Variants in CPNE4 observed in about 807,000 individuals in gnomAD.
CPNE4 encodes copine 4.
CPNE4 carries 25 observed loss-of-function variants against 67.9 expected under a neutral mutation model. The ratio of observed to expected loss-of-function variants is 0.37; its 90% confidence interval spans 0.27 to 0.51. CPNE4 has a LOEUF of 0.51. CPNE4 is among the 20% of genes least tolerant of loss of function. CPNE4 has a pLI of 0.93. For missense variants in CPNE4, 464 were observed against 690.8 expected (o/e 0.67, Z 3.68); for synonymous variants, 242 against 244.9 (o/e 0.99, Z 0.11).
At chr3:131,776,792 A>C (rs1214566463) in intron 2 of CPNE4, among the ~76,000 whole-genome samples, 1 of 152,144 alleles carries the variant, frequency 6.6e-6, no homozygotes, top group African/African-American at 2.4e-5. Context: ...AAGAGCTGAT[A>C]GTTGATTAAG....
chr3:131,701,488 TTA>T (rs2107705877), intron 3 of CPNE4, among the ~76,000 whole-genome samples: 1 of 152,348 alleles, frequency 6.6e-6, no homozygotes, highest in Non-Finnish European at 1.5e-5. Context: ...TGACTGTGAC[TTA>T]TCTCTTATCA....
In CPNE4 at chr3:132,000,183, TA is replaced by T. The variant is rs1437220607; in HGVS notation, c.-2+34383del. The stretch of plus-strand genomic sequence containing the variant: ...GATAGATAAAAAGATAATGCTATCA[TA>T]AAAATGGGATTTAAGGAAGGAAGAC... On this transcript the variant is annotated intron_variant, in intron 1 of 15. Coordinates refer to ENST00000429747, the MANE Select transcript of CPNE4 (RefSeq NM_130808.3). Among the ~76,000 whole-genome samples the T allele has an allele frequency of 3.3e-5, 5 of 152,102 alleles. No homozygotes were observed. The East Asian group carries it at 9.7e-4, about 29-fold the overall frequency.
chr3:131,655,132 GT>G (rs1296459749), intron 7 of CPNE4, among the ~76,000 whole-genome samples: 36 of 152,204 alleles, frequency 2.4e-4, no homozygotes, highest in Admixed American at 2.4e-3. Flanking sequence ...TGTTGAAACT[GT>G]CTCTTGACTA....
At chr3:131,900,064 AG>A (rs1315083970) in intron 2 of CPNE4, among the ~76,000 whole-genome samples, 2 of 151,402 alleles carry the variant, frequency 1.3e-5, no homozygotes, top group African/African-American at 4.8e-5. Flanking sequence ...TGGAGTGGGG[AG>A]GGGGAAGAGA....
intron 2 of CPNE4, among the ~76,000 whole-genome samples, chr3:131,781,577 G>A (rs1010335542): frequency 4.6e-5 from 7 of 152,104 alleles, no homozygotes; most frequent in Non-Finnish European, 1.0e-4. Context: ...TTGCAGCTAA[G>A]ATATGTAGAC....
At chr3:131,540,635 A>G (rs1444957786) in intron 15 of CPNE4, among the ~76,000 whole-genome samples, 1 of 152,148 alleles carries the variant, frequency 6.6e-6, no homozygotes, top group Non-Finnish European at 1.5e-5. Context: ...GTGTGAACCC[A>G]AGTTGGGAGT....
rs1934991706 is a variant in CPNE4, at chr3:131,533,573, G to T, written c.*1622C>A. The T allele has an allele frequency of 6.6e-6, 1 of 152,172 alleles. No individual in the cohort carries two copies. Among genetic ancestry groups the T allele is most frequent in the South Asian group, 2.1e-4 (1 of 4,828 alleles). 9.4% of individuals were successfully genotyped at this position (152,172 alleles called of 1,614,324 possible). A position where few individuals can be genotyped will look rare whatever the true frequency, so the allele number is the denominator to read the frequency against. On this transcript the variant is annotated 3_prime_UTR_variant, in exon 16 of 16. Transcript: ENST00000429747. ...AGACCACAACTCTTAGAAGAATTCT[G>T]TAAGTACCCAATTTATTAATAAAAC...
At chr3:131,959,943 T>A (rs11717906) in intron 1 of CPNE4, among the ~76,000 whole-genome samples, 4 of 152,066 alleles carry the variant, frequency 2.6e-5, no homozygotes, top group African/African-American at 9.7e-5. Flanking sequence ...AAAACGCTAC[T>A]GCAAATTTAA....
chr3:131,561,356 T>TGCGC (rs35818053), intron 11 of CPNE4, among the ~76,000 whole-genome samples: 1 of 151,616 alleles, frequency 6.6e-6, no homozygotes, highest in African/African-American at 2.4e-5. Flanking sequence ...TGTGTGTGTG[T>TGCGC]GCGCACATAC....
intron 2 of CPNE4, among the ~76,000 whole-genome samples, chr3:131,842,903 A>G (rs945894062): frequency 4.6e-5 from 7 of 152,224 alleles, no homozygotes; most frequent in Non-Finnish European, 8.8e-5. Flanking sequence ...AACGATATAC[A>G]GCATTTACCC....
intron 1 of CPNE4, among the ~76,000 whole-genome samples, chr3:131,983,802 T>G (rs1420205041): frequency 6.6e-6 from 1 of 152,214 alleles, no homozygotes; most frequent in Non-Finnish European, 1.5e-5. Flanking sequence ...AAACAGGCAG[T>G]TGCAGCCACT....
chr3:131,954,416 ATAAATT>A (rs1366434555), intron 1 of CPNE4, among the ~76,000 whole-genome samples: 1 of 152,220 alleles, frequency 6.6e-6, no homozygotes, highest in Non-Finnish European at 1.5e-5. Context: ...ACTAATAAAT[ATAAATT>A]TATCTTAAAT....
intron 2 of CPNE4, among the ~76,000 whole-genome samples, chr3:131,792,719 GTATATATATACACGTGTGTATATATGTA>G (rs1560323335): frequency 1.4e-4 from 10 of 69,306 alleles, no homozygotes; most frequent in African/African-American, 1.8e-4. Flanking sequence ...GTGTATATAT[GTATATATATACACGTGTGTATATATGTA>G]TATATATACA....
intron 7 of CPNE4, among the ~76,000 whole-genome samples, chr3:131,634,686 G>T (rs185821065): frequency 6.6e-6 from 1 of 152,248 alleles, no homozygotes; most frequent in East Asian, 1.9e-4. Context: ...CTGGAAAGGA[G>T]ATGAGAGGAT....
chr3:132,017,124 AT>A (rs1443641858), intron 1 of CPNE4, among the ~76,000 whole-genome samples: 1 of 152,254 alleles, frequency 6.6e-6, no homozygotes, highest in African/African-American at 2.4e-5. Flanking sequence ...AGGAAAAGTA[AT>A]CAAAATTCCA....
chr3:131,555,468 GGAA>G lies in CPNE4; in HGVS notation c.1116+26_1116+28del, dbSNP rs745650287. The G allele has an allele frequency of 1.6e-5, 25 of 1,602,238 alleles. No homozygotes were observed. The Admixed American group carries it at 2.7e-4, about 17-fold the overall frequency. ...AGTTATCCTTTGACCACAGTGAAGT[GGAA>G]GAAGATCACATCTCCACTCACTCAC... On this transcript the variant is annotated intron_variant, in intron 12 of 15. Coordinates refer to ENST00000429747, the MANE Select transcript of CPNE4 (RefSeq NM_130808.3).
chr3:131,722,447 C>CT, intron 3 of CPNE4, among the ~76,000 whole-genome samples: 1 of 150,630 alleles, frequency 6.6e-6, no homozygotes. Context: ...CCCCATACCC[C>CT]CCCACGTTTG....
intron 1 of CPNE4, among the ~76,000 whole-genome samples, chr3:132,015,253 T>A (rs2073863684): frequency 6.6e-6 from 1 of 152,132 alleles, no homozygotes; most frequent in African/African-American, 2.4e-5. Context: ...TGGGCTTAGG[T>A]TTTTCTTATT....
At chr3:131,589,158 C>T (rs1157766793) in intron 7 of CPNE4, among the ~76,000 whole-genome samples, 1 of 152,048 alleles carries the variant, frequency 6.6e-6, no homozygotes, top group Admixed American at 6.6e-5. Flanking sequence ...AGGCAAAGTC[C>T]CATCGTGTTA....
Sources: gnomAD v4.1 joint callset for allele counts (sites outside exome capture counted in the v4.1 genomes callset) on GRCh38, gnomAD v4.1.1 for gene constraint, MANE v1.5 for transcripts, NCBI Gene and HGNC (gene_info 2026-07-23, HGNC 2026-07-21) for gene names.